Variants in GALNT9 observed in about 807,000 individuals in gnomAD.
GALNT9 encodes the protein polypeptide N-acetylgalactosaminyltransferase 9.
GALNT9 carries 47 observed loss-of-function variants against 63.1 expected under a neutral mutation model. The observed-to-expected ratio is 0.75, with a 90% CI of 0.59 to 0.95. GALNT9 has a LOEUF of 0.95. Among genes scored for constraint, GALNT9 ranks in the 40% least tolerant of loss-of-function variants. The pLI is 0.00. For synonymous variants in GALNT9, 396 were observed against 365.7 expected (o/e 1.08, Z -0.94); for missense variants, 829 against 874.8 (o/e 0.95, Z 0.66).
intron 2 of GALNT9, chr12:132,272,933 C>A (rs900495078): frequency 6.6e-6 from 1 of 152,304 alleles, no homozygotes; most frequent in African/African-American, 2.4e-5. Context: ...TTGAGCTCGA[C>A]GCCATGGCCA....
chr12:132,229,190 C>G (rs1877807471), intron 6 of GALNT9, among the ~76,000 whole-genome samples: 1 of 152,158 alleles, frequency 6.6e-6, no homozygotes, highest in Non-Finnish European at 1.5e-5. Context: ...GCTCCTCCAT[C>G]CTGGCTCACA....
intron 1 of GALNT9, among the ~76,000 whole-genome samples, chr12:132,321,991 G>T (rs1375649757): frequency 6.9e-6 from 1 of 145,270 alleles, no homozygotes; most frequent in East Asian, 2.0e-4. Flanking sequence ...CCCAAGGGGC[G>T]TCCTCCCCTC....
rs904969653 is a variant in GALNT9, at chr12:132,319,600, C to T, written c.238+9366G>A. On this transcript the variant is annotated intron_variant, in intron 1 of 10. Transcript: ENST00000328957. The surrounding 1 kb of genome is among the most constrained non-coding windows in gnomAD (Gnocchi z 5.2). ...TCCTCTTGGGTCTCTCTCTATCCGC[C>T]GGCTCCTTTCCTCGGGAGAGCCCTG... Among the ~76,000 whole-genome samples the T allele has an allele frequency of 3.3e-5, 5 of 152,118 alleles. No homozygotes were observed. Among genetic ancestry groups the T allele is most frequent in the Non-Finnish European group, 5.9e-5 (4 of 68,016 alleles).
rs561852195 is a variant in GALNT9 at position 132,288,809 on chromosome 12, G to A, written c.239-2379C>T. Among the ~76,000 whole-genome samples the A allele has an allele frequency of 4.0e-5, 6 of 151,014 alleles. 1 individual carries two copies. The South Asian group carries it at 1.3e-3, about 32-fold the overall frequency. ...CGATGCCCAGCGTTGGAACCGGCAGGAGGGTGGCTGAGCGTGGTTTCGGAC... is the reference window on the plus strand; with the variant it reads ...CGATGCCCAGCGTTGGAACCGGCAGAAGGGTGGCTGAGCGTGGTTTCGGAC... On this transcript the variant is annotated intron_variant, in intron 1 of 10. Transcript: ENST00000328957.
intron 6 of GALNT9, among the ~76,000 whole-genome samples, chr12:132,209,973 G>A (rs1041712906): frequency 5.9e-5 from 9 of 152,086 alleles, no homozygotes; most frequent in Admixed American, 3.9e-4. Context: ...CTGTGGACTC[G>A]CCCCGAATTC....
intron 1 of GALNT9, among the ~76,000 whole-genome samples, chr12:132,325,950 C>T (rs1246476141): frequency 1.3e-5 from 2 of 152,272 alleles, no homozygotes; most frequent in Non-Finnish European, 2.9e-5. Context: ...GCGACGCGGG[C>T]GACCGTGCTC....
chr12:132,227,058 T>C (rs2135524228), intron 6 of GALNT9, among the ~76,000 whole-genome samples: 1 of 151,570 alleles, frequency 6.6e-6, no homozygotes, highest in South Asian at 2.1e-4. Flanking sequence ...ACACAACCCA[T>C]AGCTTTTTCT....
At chr12:132,200,213 T>G (rs78570356) in intron 8 of GALNT9, among the ~76,000 whole-genome samples, 1 of 152,144 alleles carries the variant, frequency 6.6e-6, no homozygotes, top group Non-Finnish European at 1.5e-5. Context: ...CCAGGGACCC[T>G]TTTCCTTGCC....
chr12:132,271,436 T>C (rs1442758979), intron 2 of GALNT9, among the ~76,000 whole-genome samples: 2 of 152,208 alleles, frequency 1.3e-5, no homozygotes, highest in African/African-American at 4.8e-5. Flanking sequence ...GAACCAATTT[T>C]ATCACACCAT....
At chr12:132,249,537 AC>A (rs112361085) in intron 5 of GALNT9, among the ~76,000 whole-genome samples, 3 of 152,114 alleles carry the variant, frequency 2.0e-5, no homozygotes, top group Non-Finnish European at 4.4e-5. Context: ...AAATTTTAAT[AC>A]CCCCCCTTGA....
chr12:132,240,673 C>A (rs1343047112), intron 6 of GALNT9: 10 of 455,882 alleles, frequency 2.2e-5, no homozygotes, highest in African/African-American at 1.4e-4. Context: ...CCGTGTTTTT[C>A]TTCCTCTTTT....
intron 6 of GALNT9, among the ~76,000 whole-genome samples, chr12:132,228,274 C>G (rs899194711): frequency 4.0e-5 from 6 of 151,822 alleles, no homozygotes; most frequent in African/African-American, 1.2e-4. Flanking sequence ...CCCTCCCCGG[C>G]GTCCCTCCCC....
At chr12:132,278,098 C>G (rs1555241380) in intron 2 of GALNT9, 2 of 151,774 alleles carry the variant, frequency 1.3e-5, no homozygotes, top group African/African-American at 4.8e-5. Context: ...GGGGAAGCCC[C>G]GGGGACAGTA....
chr12:132,201,810 C>T (rs1022086119), intron 7 of GALNT9, among the ~76,000 whole-genome samples: 3 of 152,324 alleles, frequency 2.0e-5, no homozygotes, highest in Non-Finnish European at 2.9e-5. Flanking sequence ...CCTGCCCAGG[C>T]GTCTCTTCCC....
chr12:132,224,749 C>A (rs1285220472), intron 6 of GALNT9, among the ~76,000 whole-genome samples: 18 of 142,408 alleles, frequency 1.3e-4, no homozygotes, highest in African/African-American at 4.5e-4. Context: ...CCCCACACCC[C>A]TCCCACACCC....
chr12:132,211,114 C>T (rs531762373), intron 6 of GALNT9, among the ~76,000 whole-genome samples: 15 of 152,304 alleles, frequency 9.8e-5, no homozygotes, highest in East Asian at 1.9e-4. Context: ...ACAAGCTGAA[C>T]GAATTGGGCT....
At chr12:132,203,159 G>T (rs912841348) in intron 7 of GALNT9, among the ~76,000 whole-genome samples, 1 of 152,210 alleles carries the variant, frequency 6.6e-6, no homozygotes, top group Non-Finnish European at 1.5e-5. Flanking sequence ...GCTGTGCAGG[G>T]CACTAAGTGG....
intron 2 of GALNT9, among the ~76,000 whole-genome samples, chr12:132,268,131 T>G (rs1439349649): frequency 7.8e-6 from 1 of 128,496 alleles, no homozygotes; most frequent in Non-Finnish European, 1.6e-5. Flanking sequence ...ACACACACAC[T>G]CACGCTCACA....
At chr12:132,240,687 C>G (rs2136899195) in intron 6 of GALNT9, 43 of 456,006 alleles carry the variant, frequency 9.4e-5, no homozygotes, top group African/African-American at 7.6e-4. Flanking sequence ...CTCTTTTATT[C>G]TGTTTATAAT....
Sources: gnomAD v4.1 joint callset for allele counts (sites outside exome capture counted in the v4.1 genomes callset) on GRCh38, gnomAD v4.1.1 for gene constraint, Gnocchi (gnomAD v3.1) non-coding constraint, MANE v1.5 for transcripts, NCBI Gene and HGNC (gene_info 2026-07-23, HGNC 2026-07-21) for gene names.